CFAP61: variants seen among roughly 807,000 people sequenced by gnomAD.
CFAP61 encodes the protein cilia- and flagella-associated protein 61.
CFAP61 carries 107 observed loss-of-function variants against 135.6 expected under a neutral mutation model. The observed-to-expected ratio is 0.79, with a 90% CI of 0.67 to 0.93. The LOEUF (loss-of-function observed/expected upper bound fraction) is 0.93, where lower values mean the gene tolerates loss of function less well. Ranked by LOEUF, CFAP61 falls within the 40% of genes least tolerant of loss-of-function variation. The probability of loss-of-function intolerance (pLI) is 0.00; values close to 1 mark genes in which losing one functional copy is unlikely to be tolerated. For synonymous variants in CFAP61, 575 were observed against 578.5 expected (o/e 0.99, Z 0.09); for missense variants, 1,507 against 1,556.2 (o/e 0.97, Z 0.53).
rs776747127 is a variant in CFAP61, at chr20:20,254,180, CCTCCT to C, written c.2328+2441_2328+2445del. ...TCTCCCCTCCCCTCCCCTCCCCTCC[CCTCCT>C]CTCCTCTCCTCTCCTCTCCTCTCAA... On this transcript the variant is annotated intron_variant, in intron 20 of 26. Transcript: ENST00000245957. Among the ~76,000 whole-genome samples, 44 of 47,410 alleles carry C rather than the reference CCTCCT, an allele frequency of 9.3e-4. 2 individuals carry two copies. The East Asian group carries it at 9.9e-3, about 11-fold the overall frequency. The allele number at this position is 47,410 out of a possible 152,430, so 31.1% of individuals were successfully genotyped here. A position where few individuals can be genotyped will look rare whatever the true frequency, so the allele number is the denominator to read the frequency against.
At chr20:20,338,911 C>T (rs1412136433) in intron 25 of CFAP61, among the ~76,000 whole-genome samples, 1 of 152,214 alleles carries the variant, frequency 6.6e-6, no homozygotes, top group African/African-American at 2.4e-5. Flanking sequence ...GTCAAAATCT[C>T]CCAGGGCTTC....
chr20:20,172,623 AC>A (rs1239704738), intron 13 of CFAP61, among the ~76,000 whole-genome samples: 2 of 152,152 alleles, frequency 1.3e-5, no homozygotes, highest in Non-Finnish European at 2.9e-5. Flanking sequence ...TGGCCAATAA[AC>A]TTTTTTTCCA....
At chr20:20,291,379 C>T (rs555633090) in intron 24 of CFAP61, among the ~76,000 whole-genome samples, 1 of 152,334 alleles carries the variant, frequency 6.6e-6, no homozygotes, top group South Asian at 2.1e-4. Context: ...AGTCACTTTG[C>T]CTTTTCCAGA....
At chr20:20,269,238 T>TAC (rs66738897) in intron 21 of CFAP61, among the ~76,000 whole-genome samples, 1 of 124,574 alleles carries the variant, frequency 8.0e-6, no homozygotes, top group South Asian at 2.2e-4. Context: ...TGTATATATA[T>TAC]ACACGTATAT....
chr20:20,071,334 T>G (rs1473988750), intron 3 of CFAP61, among the ~76,000 whole-genome samples: 1 of 152,180 alleles, frequency 6.6e-6, no homozygotes, highest in African/African-American at 2.4e-5. Context: ...GTCATTGATA[T>G]GTTAGGAGAG....
chr20:20,079,670 A>G (rs922934234), intron 6 of CFAP61, among the ~76,000 whole-genome samples: 4 of 152,206 alleles, frequency 2.6e-5, no homozygotes, highest in African/African-American at 9.6e-5. Context: ...GATACATATT[A>G]TCTACCTAAT....
At chr20:20,139,575 G>T (rs150424090) in intron 8 of CFAP61, among the ~76,000 whole-genome samples, 42 of 152,290 alleles carry the variant, frequency 2.8e-4, no homozygotes, top group Admixed American at 1.6e-3. Flanking sequence ...CTTATTTGAG[G>T]ATCTCAGGGG....
At chr20:20,096,110 C>CA (rs942358020) in intron 7 of CFAP61, among the ~76,000 whole-genome samples, 32 of 152,238 alleles carry the variant, frequency 2.1e-4, no homozygotes, top group African/African-American at 7.0e-4. Context: ...TAACAGCCAG[C>CA]AATCAATGCC....
At chr20:20,085,873 C>T (rs1394606941) in intron 6 of CFAP61, among the ~76,000 whole-genome samples, 1 of 152,206 alleles carries the variant, frequency 6.6e-6, no homozygotes, top group Non-Finnish European at 1.5e-5. Flanking sequence ...CCAATATCAT[C>T]AAGGACTCTT....
chr20:20,202,659 A>G (rs1224606878), intron 17 of CFAP61, among the ~76,000 whole-genome samples: 2 of 152,204 alleles, frequency 1.3e-5, no homozygotes, highest in African/African-American at 4.8e-5. Flanking sequence ...TTGTTTTCTT[A>G]GTAGAGCAAT....
intron 11 of CFAP61, among the ~76,000 whole-genome samples, chr20:20,165,750 A>T (rs1166476210): frequency 6.6e-6 from 1 of 152,102 alleles, no homozygotes; most frequent in African/African-American, 2.4e-5. Flanking sequence ...CTGTTTAAAC[A>T]TGTTCCCAGT....
At chr20:20,056,041 G>A (rs771510952) in intron 1 of CFAP61, 8 of 1,537,664 alleles carry the variant, frequency 5.2e-6, no homozygotes, top group African/African-American at 1.4e-5. Context: ...AAAGAGTGTC[G>A]GAAAGGCTGG....
At chr20:20,310,098 G>A (rs1236214853) in intron 25 of CFAP61, among the ~76,000 whole-genome samples, 3 of 152,120 alleles carry the variant, frequency 2.0e-5, no homozygotes, top group African/African-American at 7.2e-5. Context: ...TGGTTCAAGT[G>A]ATTCTCCTGC....
At chr20:20,176,372 T>G (rs745763997) in intron 13 of CFAP61, among the ~76,000 whole-genome samples, 1 of 150,848 alleles carries the variant, frequency 6.6e-6, no homozygotes, top group South Asian at 2.1e-4. Context: ...CAAAGGAATA[T>G]AAATCATTCT....
intron 10 of CFAP61, among the ~76,000 whole-genome samples, chr20:20,160,528 T>A (rs1394892750): frequency 2.6e-5 from 4 of 152,108 alleles, no homozygotes; most frequent in African/African-American, 7.2e-5. Flanking sequence ...CCATTTCTCC[T>A]TACTGAATTA....
rs386393498 is a variant in CFAP61, at chr20:20,151,829, CAAAAAAA to C, written c.952-7528_952-7522del. ...TGGGCGACAGAGCAAGACTCCGTCT[CAAAAAAA>C]AAAAAAAAAAAAGAAGCTCAAAGAA... On this transcript the variant is annotated intron_variant, in intron 9 of 26. Coordinates refer to ENST00000245957, the MANE Select transcript of CFAP61 (RefSeq NM_015585.4). 6.7e-4 allele frequency among the ~76,000 whole-genome samples: 36 copies of C among 53,360 alleles called. 3 individuals carry two copies. Among genetic ancestry groups the C allele is most frequent in the South Asian group, 1.9e-3 (2 of 1,032 alleles). The allele number at this position is 53,360 out of a possible 152,430, so 35.0% of individuals were successfully genotyped here.
intron 6 of CFAP61, among the ~76,000 whole-genome samples, chr20:20,086,757 T>TCCCTA (rs1250197015): frequency 1.3e-5 from 2 of 152,184 alleles, no homozygotes; most frequent in African/African-American, 2.4e-5. Context: ...TCCTTCTGTG[T>TCCCTA]CCCTAAAGAG....
intron 9 of CFAP61, among the ~76,000 whole-genome samples, chr20:20,146,634 A>G (rs1427127982): frequency 2.6e-5 from 4 of 152,228 alleles, no homozygotes; most frequent in East Asian, 1.9e-4. Context: ...AGCTTTATAT[A>G]ATATTGTAAC....
intron 25 of CFAP61, among the ~76,000 whole-genome samples, chr20:20,314,709 C>T (rs1253127245): frequency 1.6e-5 from 2 of 127,724 alleles, no homozygotes; most frequent in South Asian, 5.7e-4. Flanking sequence ...ACAACAGTCC[C>T]CAGAGTGTGA....
Sources: gnomAD v4.1 joint callset for allele counts (sites outside exome capture counted in the v4.1 genomes callset) on GRCh38, gnomAD v4.1.1 for gene constraint, MANE v1.5 for transcripts, NCBI Gene and HGNC (gene_info 2026-07-23, HGNC 2026-07-21) for gene names.